Variants in ZNF727 observed in about 807,000 individuals in gnomAD.
ZNF727 encodes zinc finger protein 727.
Under a neutral mutation model 11.5 loss-of-function variants are expected in ZNF727, and 11 were observed. The observed-to-expected ratio is 0.95, with a 90% CI of 0.60 to 1.58. The LOEUF (loss-of-function observed/expected upper bound fraction) is 1.58, where lower values mean the gene tolerates loss of function less well. ZNF727 is among the 40% of genes most tolerant of loss of function. The pLI, the probability that ZNF727 is intolerant of heterozygous loss-of-function variation, is 0.00. For synonymous variants in ZNF727, 171 were observed against 196.1 expected (o/e 0.87, Z 1.07); for missense variants, 533 against 581.7 (o/e 0.92, Z 0.86).
At chr7:64,067,781 AAC>A (rs749777777) in intron 1 of ZNF727, among the ~76,000 whole-genome samples, 1 of 152,142 alleles carries the variant, frequency 6.6e-6, no homozygotes, top group Non-Finnish European at 1.5e-5. Flanking sequence ...ACAAATACCT[AAC>A]ACATGTAGAG....
At chr7:64,054,846 G>A (rs1463351096) in intron 1 of ZNF727, among the ~76,000 whole-genome samples, 1 of 151,982 alleles carries the variant, frequency 6.6e-6, no homozygotes, top group African/African-American at 2.4e-5. Context: ...TGTCTATTGT[G>A]TTAAATACCT....
chr7:64,065,136 C>T (rs1562794211), intron 1 of ZNF727, among the ~76,000 whole-genome samples: 1 of 152,118 alleles, frequency 6.6e-6, no homozygotes, highest in Non-Finnish European at 1.5e-5. Flanking sequence ...TTCCCCCCTG[C>T]AGCCATGTTG....
intron 1 of ZNF727, among the ~76,000 whole-genome samples, chr7:64,050,658 G>A (rs1423960008): frequency 6.6e-6 from 1 of 152,094 alleles, no homozygotes; most frequent in African/African-American, 2.4e-5. Flanking sequence ...GAAGAAACAG[G>A]CACATAGAGA....
rs1433141885 is a variant in ZNF727, at chr7:64,078,021, C to T, written c.972C>T (p.Ile324=). The T allele has an allele frequency of 2.5e-6, 4 of 1,607,080 alleles. No homozygotes were observed. Among genetic ancestry groups the T allele is most frequent in the Non-Finnish European group, 3.4e-6 (4 of 1,176,630 alleles). ...CNECGKAFMW[I]SALSQHNRIH... ...AATGTGGAAAAGCTTTTATGTGGAT[C>T]TCGGCCCTTAGTCAACATAACAGAA... The change falls in exon 4 of 4, where the codon ATC becomes ATT. Residue 324 remains isoleucine, a synonymous_variant. Transcript: ENST00000456806.
intron 2 of ZNF727, 122 bp from the exon 3 acceptor site, chr7:64,069,391 AG>A (rs945548005): frequency 1.9e-5 from 17 of 876,934 alleles, no homozygotes; most frequent in Non-Finnish European, 3.0e-5. Context: ...GTTACAAAAC[AG>A]TAGATTGGAA....
rs564731025 is a variant in ZNF727 at position 64,061,493 on chromosome 7, C to T, written c.4-7398C>T. Among the ~76,000 whole-genome samples, 17 of 150,894 alleles carry T rather than the reference C, an allele frequency of 1.1e-4. No homozygotes were observed. The East Asian group carries it at 3.3e-3, about 29-fold the overall frequency. On this transcript the variant is annotated intron_variant, in intron 1 of 3. Coordinates refer to ENST00000456806, the MANE Select transcript of ZNF727 (RefSeq NM_001159522.3). ...TTGGTTTAATATAAGTATAGCTATC[C>T]CTGCTCTTTTTTTTGTTTCCATTTG...
At position 64,082,602 on chromosome 7, in the gene ZNF727, G is replaced by A. The variant is rs528820111; in HGVS notation, c.*4053G>A. Among the ~76,000 whole-genome samples, 6 of 152,288 alleles carry A rather than the reference G, an allele frequency of 3.9e-5. No individual in the cohort carries two copies. The highest frequency in any genetic ancestry group is 2.1e-4 in the South Asian group (1 of 4,826). On this transcript the variant is annotated 3_prime_UTR_variant, in exon 4 of 4. Coordinates refer to ENST00000456806, the MANE Select transcript of ZNF727 (RefSeq NM_001159522.3). ...CTTAAGAAAGCAGTGTAGGCTGGGC[G>A]CAGTGGCTCATGCCTGTAACCCTAG...
Position 64,077,375 on chromosome 7 carries a change from A to G in ZNF727, c.326A>G (p.Asn109Ser), listed in dbSNP as rs1231698454. Residue 109 changes from asparagine to serine, a missense_variant, in exon 4 of 4, where the codon AAT becomes AGT. This residue lies in a region of ZNF727 where 463 missense variants were observed against 494.5 expected (regional missense o/e 0.94). Coordinates refer to ENST00000456806, the MANE Select transcript of ZNF727 (RefSeq NM_001159522.3). ...AGAAAATCTGGAAGCTGTGACCTTA[A>G]TACTTTACGTTTAAAGAAAGACTAC... ...ILRKSGSCDL[N>S]TLRLKKDYQR... The G allele has an allele frequency of 5.2e-6, 8 of 1,551,580 alleles. No individual in the cohort carries two copies. The South Asian group carries it at 9.5e-5, about 18-fold the overall frequency.
Position 64,078,069 on chromosome 7 carries a change from C to T in ZNF727, c.1020C>T (p.Tyr340=), listed in dbSNP as rs777350278. 1.9e-6 allele frequency: 3 copies of T among 1,611,578 alleles called. No individual in the cohort carries two copies. Among genetic ancestry groups the T allele is most frequent in the Non-Finnish European group, 2.5e-6 (3 of 1,178,884 alleles). The change falls in exon 4 of 4, where the codon TAC becomes TAT. Residue 340 remains tyrosine, a synonymous_variant. Transcript: ENST00000456806. ...HNRIHTGEKP[Y]ICEECGKAFT... ...GAATTCATACTGGAGAGAAACCCTA[C>T]ATTTGTGAAGAATGTGGCAAAGCCT...
At chr7:64,062,652 T>C (rs899476980) in intron 1 of ZNF727, among the ~76,000 whole-genome samples, 9 of 131,438 alleles carry the variant, frequency 6.8e-5, no homozygotes, top group African/African-American at 2.4e-4. Flanking sequence ...TTAAGTGAAT[T>C]GTACTTGGCA....
At chr7:64,055,740 C>T (rs77871104) in intron 1 of ZNF727, among the ~76,000 whole-genome samples, 9,452 of 152,234 alleles carry the variant, frequency 0.062, 347 homozygotes, top group African/African-American at 0.086. Flanking sequence ...ATGTAAATAA[C>T]GCATTTTGTT....
At chr7:64,067,409 A>T (rs903972333) in intron 1 of ZNF727, among the ~76,000 whole-genome samples, 1 of 152,166 alleles carries the variant, frequency 6.6e-6, no homozygotes, top group African/African-American at 2.4e-5. Flanking sequence ...AGGATTATAA[A>T]TTATTCTACT....
At chr7:64,054,245 A>G (rs978046531) in intron 1 of ZNF727, among the ~76,000 whole-genome samples, 1 of 152,136 alleles carries the variant, frequency 6.6e-6, no homozygotes, top group African/African-American at 2.4e-5. Flanking sequence ...GTGAAAGAAA[A>G]ACTCATCTTC....
chr7:64,056,839 C>T (rs1789693065), intron 1 of ZNF727, among the ~76,000 whole-genome samples: 2 of 152,050 alleles, frequency 1.3e-5, no homozygotes, highest in South Asian at 4.1e-4. Context: ...TTTAACCACA[C>T]TGTTTATCAG....
intron 3 of ZNF727, among the ~76,000 whole-genome samples, chr7:64,072,247 A>G (rs895771581): frequency 6.6e-6 from 1 of 151,870 alleles, no homozygotes; most frequent in Non-Finnish European, 1.5e-5. Context: ...TGCAGTGGAG[A>G]GGGGTTATAC....
At chr7:64,055,002 G>C (rs1274379472) in intron 1 of ZNF727, among the ~76,000 whole-genome samples, 1 of 151,448 alleles carries the variant, frequency 6.6e-6, no homozygotes, top group Non-Finnish European at 1.5e-5. Flanking sequence ...TTGTAGCTTT[G>C]GTAATGTCAT....
Position 64,045,620 on chromosome 7 carries a change from A to G in ZNF727, c.-2A>G. The stretch of plus-strand genomic sequence containing the variant: ...GAAGGCGGAACATCCGGAGGCTGGG[A>G]AATGGTGAGTGCGCGGAGTGGGTGT... On this transcript the variant is annotated 5_prime_UTR_variant, in exon 1 of 4. Transcript: ENST00000456806. The G allele has an allele frequency of 6.4e-7, 1 of 1,559,148 alleles. No homozygotes were observed. The highest frequency in any genetic ancestry group is 1.2e-5 in the South Asian group (1 of 84,534).
In ZNF727 at chr7:64,072,684, T is replaced by G. The variant is rs375881552; in HGVS notation, c.226+3075T>G. The stretch of plus-strand genomic sequence containing the variant: ...GACTATGGCTGGAAGGAGCCGGAGA[T>G]AGTTATAGAGTCACTGCAGAATTTT... On this transcript the variant is annotated intron_variant, in intron 3 of 3. Coordinates refer to ENST00000456806, the MANE Select transcript of ZNF727 (RefSeq NM_001159522.3). Among the ~76,000 whole-genome samples the G allele has an allele frequency of 4.6e-5, 7 of 152,192 alleles. No homozygotes were observed. In the South Asian group the frequency reaches 8.3e-4, roughly 18 times the overall value.
At chr7:64,074,295 T>A (rs1242710191) in intron 3 of ZNF727, among the ~76,000 whole-genome samples, 1 of 152,126 alleles carries the variant, frequency 6.6e-6, no homozygotes, top group Non-Finnish European at 1.5e-5. Flanking sequence ...TGGAAGAAAA[T>A]TTTTTGATGC....
Sources: gnomAD v4.1 joint callset for allele counts (sites outside exome capture counted in the v4.1 genomes callset) on GRCh38, gnomAD v4.1.1 for gene constraint, gnomAD v4.1.1 regional missense constraint, MANE v1.5 for transcripts, NCBI Gene and HGNC (gene_info 2026-07-23, HGNC 2026-07-21) for gene names.